DOCK4: variants seen among roughly 807,000 people sequenced by gnomAD.
DOCK4 encodes dedicator of cytokinesis protein 4.
DOCK4 carries 97 observed loss-of-function variants against 268.1 expected under a neutral mutation model. That is an observed-to-expected ratio of 0.36 (90% CI 0.31 to 0.43). The LOEUF (loss-of-function observed/expected upper bound fraction) is 0.43, where lower values mean the gene tolerates loss of function less well. Among genes scored for constraint, DOCK4 ranks in the 20% least tolerant of loss-of-function variants. The probability of loss-of-function intolerance (pLI) is 1.00; values close to 1 mark genes in which losing one functional copy is unlikely to be tolerated. For synonymous variants in DOCK4, 954 were observed against 887.2 expected, an observed-to-expected ratio of 1.08 and a Z score of -1.34; for missense variants, 2,145 against 2,455.7, an observed-to-expected ratio of 0.87 and a Z score of 2.67.
At position 111,988,562 on chromosome 7, in the gene DOCK4, C is replaced by T. The variant is rs567332536; in HGVS notation, c.464+453G>A. Reference sequence around the variant, plus strand: ...ATCACAGCAATAATAAAAGGCCCCACCAGTGCACCTGTCATAAGACTTTTC... The same window carrying T: ...ATCACAGCAATAATAAAAGGCCCCATCAGTGCACCTGTCATAAGACTTTTC... On this transcript the variant is annotated intron_variant, in intron 6 of 52. Transcript: ENST00000428084. 7.9e-5 allele frequency among the ~76,000 whole-genome samples: 12 copies of T among 152,316 alleles called. No individual in the cohort carries two copies. In the South Asian group the frequency reaches 2.3e-3, roughly 29 times the overall value.
chr7:112,165,995 C>G (rs973866212), intron 1 of DOCK4, among the ~76,000 whole-genome samples: 3 of 152,146 alleles, frequency 2.0e-5, no homozygotes, highest in African/African-American at 7.2e-5. Flanking sequence ...TGAGGAGTAA[C>G]TAACTGAACA....
chr7:112,065,608 T>G (rs534112618), intron 1 of DOCK4, among the ~76,000 whole-genome samples: 26 of 149,992 alleles, frequency 1.7e-4, no homozygotes, highest in African/African-American at 5.9e-4. Context: ...GCACTTATTA[T>G]TCTCAGGTTC....
rs548212492 is a variant in DOCK4, at chr7:112,078,397, CTAT to C, written c.38-74269_38-74267del. On this transcript the variant is annotated intron_variant, in intron 1 of 52. Coordinates refer to ENST00000428084, the MANE Select transcript of DOCK4 (RefSeq NM_001363540.2). ...AATTCCCCCAGGTAAATACTTTTTC[CTAT>C]TATTAACTCTCTTGATTACCAAGAA... Among the ~76,000 whole-genome samples, 317 of 152,072 alleles carry C rather than the reference CTAT, an allele frequency of 2.1e-3. 2 individuals carry two copies. The highest frequency in any genetic ancestry group is 7.3e-3 in the African/African-American group (302 of 41,494).
chr7:112,105,105 C>T (rs986258470), intron 1 of DOCK4, among the ~76,000 whole-genome samples: 24 of 151,558 alleles, frequency 1.6e-4, no homozygotes, highest in African/African-American at 5.6e-4. Flanking sequence ...CATTTTTCTG[C>T]TCTTGTATCC....
At chr7:112,055,124 T>G (rs183402187) in intron 1 of DOCK4, among the ~76,000 whole-genome samples, 1 of 152,340 alleles carries the variant, frequency 6.6e-6, no homozygotes, top group Non-Finnish European at 1.5e-5. Context: ...TACCAAAGAC[T>G]AATTGACATA....
intron 1 of DOCK4, among the ~76,000 whole-genome samples, chr7:112,102,729 G>A (rs921423795): frequency 6.6e-6 from 1 of 152,170 alleles, no homozygotes; most frequent in African/African-American, 2.4e-5. Flanking sequence ...CTCCAGAACA[G>A]TGAGAAAATA....
chr7:111,933,211 C>T lies in DOCK4; in HGVS notation c.1066+2329G>A, dbSNP rs1158754367. ...GTATATACACATATATACGTATATA[C>T]ACATATATACGTATATACACATATA... On this transcript the variant is annotated intron_variant, in intron 12 of 52. Coordinates refer to ENST00000428084, the MANE Select transcript of DOCK4 (RefSeq NM_001363540.2). Among the ~76,000 whole-genome samples, 27 of 140,348 alleles carry T rather than the reference C, an allele frequency of 1.9e-4. 1 individual carries two copies. Among genetic ancestry groups the T allele is most frequent in the African/African-American group, 4.8e-4 (18 of 37,734 alleles). The allele number at this position is 140,348 out of a possible 152,430, so 92.1% of individuals were successfully genotyped here. A position where few individuals can be genotyped will look rare whatever the true frequency, so the allele number is the denominator to read the frequency against.
At chr7:111,877,824 G>A (rs2134269120) in intron 16 of DOCK4, among the ~76,000 whole-genome samples, 1 of 152,268 alleles carries the variant, frequency 6.6e-6, no homozygotes, top group Middle Eastern at 3.4e-3. Context: ...TTGTTGCTTA[G>A]TGCTAAAACC....
At chr7:111,983,378 A>G (rs1197364936) in intron 7 of DOCK4, among the ~76,000 whole-genome samples, 2 of 152,184 alleles carry the variant, frequency 1.3e-5, no homozygotes, top group African/African-American at 2.4e-5. Context: ...GGAGTCTACT[A>G]TTTCCAATAG....
chr7:111,969,091 G>A (rs1288161273), intron 8 of DOCK4, among the ~76,000 whole-genome samples: 58 of 111,638 alleles, frequency 5.2e-4, no homozygotes, highest in Non-Finnish European at 9.4e-4. Flanking sequence ...GGATAGCATT[G>A]GGAGATATAC....
chr7:111,986,231 G>A (rs567382508), intron 6 of DOCK4, among the ~76,000 whole-genome samples: 1 of 152,270 alleles, frequency 6.6e-6, no homozygotes, highest in Admixed American at 6.5e-5. Context: ...TCTGAACTTG[G>A]AAATTCAGAC....
intron 1 of DOCK4, among the ~76,000 whole-genome samples, chr7:112,031,954 A>G (rs1803315631): frequency 6.6e-6 from 1 of 152,234 alleles, no homozygotes; most frequent in Non-Finnish European, 1.5e-5. Flanking sequence ...CATGTCTACC[A>G]AAAAAGAAGG....
intron 22 of DOCK4, among the ~76,000 whole-genome samples, chr7:111,864,933 G>A (rs1473530205): frequency 6.6e-6 from 1 of 152,172 alleles, no homozygotes; most frequent in Non-Finnish European, 1.5e-5. Context: ...GCATCTGAAT[G>A]TGCCTACAGT....
intron 17 of DOCK4, among the ~76,000 whole-genome samples, chr7:111,874,747 C>T (rs1806703044): frequency 6.6e-6 from 1 of 152,172 alleles, no homozygotes; most frequent in African/African-American, 2.4e-5. Flanking sequence ...ACCCCTAATC[C>T]TCTGAACCTT....
At chr7:111,794,924 C>A (rs1466804603) in intron 30 of DOCK4, among the ~76,000 whole-genome samples, 1 of 152,148 alleles carries the variant, frequency 6.6e-6, no homozygotes, top group Admixed American at 6.5e-5. Context: ...GAGAGAGAGA[C>A]AAGGTGAGCT....
Position 111,901,745 on chromosome 7 carries a change from C to T in DOCK4, c.1249G>A (p.Gly417Arg). The change falls in exon 14 of 53, where the codon GGG (glycine) becomes AGG (arginine). Residue 417 changes from glycine (G) to arginine (R), a missense_variant. Transcript: ENST00000428084. ...TIERGEFEKG[G>R]KSVARNVEVT... is the part of the protein sequence containing the mutation. Reference sequence around the variant, plus strand: ...TCCACATTTCTGGCCACGCTCTTCCCTCCTTTCTCAAATTCTCCCCTTTCA... The same window carrying T: ...TCCACATTTCTGGCCACGCTCTTCCTTCCTTTCTCAAATTCTCCCCTTTCA... 2 of 1,611,434 alleles carry T rather than the reference C, an allele frequency of 1.2e-6. No homozygotes were observed. Among genetic ancestry groups the T allele is most frequent in the Non-Finnish European group, 1.7e-6 (2 of 1,177,832 alleles).
Position 112,120,878 on chromosome 7 carries a change from G to T in DOCK4, c.37+85224C>A, listed in dbSNP as rs116687586. Among the ~76,000 whole-genome samples the T allele has an allele frequency of 1.0e-3, 159 of 152,204 alleles. 1 individual carries two copies. The highest frequency in any genetic ancestry group is 3.7e-3 in the African/African-American group (154 of 41,526). On this transcript the variant is annotated intron_variant, in intron 1 of 52. Transcript: ENST00000428084. ...TGGAGAAACAGTTGGACATTCCAAG[G>T]CCTGAAATACATAATTATCAAAGTT...
chr7:111,933,266 A>G (rs1411740095), intron 12 of DOCK4, among the ~76,000 whole-genome samples: 3 of 133,014 alleles, frequency 2.3e-5, no homozygotes, highest in Non-Finnish European at 4.8e-5. Context: ...ACTTATATAT[A>G]TATACATATA....
At chr7:111,858,819 T>TTCCC (rs1805236361) in intron 23 of DOCK4, among the ~76,000 whole-genome samples, 2 of 151,484 alleles carry the variant, frequency 1.3e-5, no homozygotes, top group Non-Finnish European at 2.9e-5. Flanking sequence ...CCTTCCTTCC[T>TTCCC]TCCCTCCCTT....
Sources: gnomAD v4.1 joint callset for allele counts (sites outside exome capture counted in the v4.1 genomes callset) on GRCh38, gnomAD v4.1.1 for gene constraint, MANE v1.5 for transcripts, NCBI Gene and HGNC (gene_info 2026-07-23, HGNC 2026-07-21) for gene names.